WSCD2: variants seen among roughly 807,000 people sequenced by gnomAD.
WSCD2 encodes WSC domain sialate O sulfotransferase 2, also known as sialate:O-sulfotransferase 2.
In WSCD2, 28 loss-of-function variants were observed where a neutral mutation model predicts 55.7. That is an observed-to-expected ratio of 0.50 (90% confidence interval 0.37 to 0.69). The LOEUF (loss-of-function observed/expected upper bound fraction) is 0.69, where lower values mean the gene tolerates loss of function less well. Ranked by LOEUF, WSCD2 falls within the 30% of genes least tolerant of loss-of-function variation. The pLI is 0.00. For missense variants in WSCD2, 616 were observed against 762.1 expected, an observed-to-expected ratio of 0.81 and a Z score of 2.26; for synonymous variants, 301 against 301.9, an observed-to-expected ratio of 1.00 and a Z score of 0.03.
intron 1 of WSCD2, among the ~76,000 whole-genome samples, chr12:108,156,431 T>C (rs757421739): frequency 6.6e-6 from 1 of 152,190 alleles, no homozygotes; most frequent in Non-Finnish European, 1.5e-5. Context: ...GGCTGGTGCA[T>C]AGTAGGGTCT....
At chr12:108,147,376 G>A (rs1877499835) in intron 1 of WSCD2, among the ~76,000 whole-genome samples, 1 of 152,194 alleles carries the variant, frequency 6.6e-6, no homozygotes, top group African/African-American at 2.4e-5. Flanking sequence ...TTGGGTCAGG[G>A]TGGGTGCTAA....
chr12:108,165,747 C>T (rs910252555), intron 1 of WSCD2, among the ~76,000 whole-genome samples: 10 of 152,148 alleles, frequency 6.6e-5, no homozygotes, highest in African/African-American at 2.4e-4. Flanking sequence ...AATTGATTTA[C>T]TTTTTTACTG....
At chr12:108,214,533 C>T (rs972286741) in intron 4 of WSCD2, among the ~76,000 whole-genome samples, 11 of 152,230 alleles carry the variant, frequency 7.2e-5, no homozygotes, top group African/African-American at 1.2e-4. Flanking sequence ...GCAAGTGTAG[C>T]TCTCCTCCCA....
At chr12:108,208,701 G>C (rs934784892) in intron 3 of WSCD2, among the ~76,000 whole-genome samples, 5 of 152,178 alleles carry the variant, frequency 3.3e-5, no homozygotes, top group African/African-American at 1.2e-4. Flanking sequence ...AGTGAAATGG[G>C]GACTTGAAAG....
intron 8 of WSCD2, among the ~76,000 whole-genome samples, chr12:108,246,957 C>T (rs905432875): frequency 3.3e-5 from 5 of 152,146 alleles, no homozygotes; most frequent in South Asian, 2.1e-4. Flanking sequence ...TCAGTAATAA[C>T]GATAGCCAAC....
At chr12:108,130,909 GT>G (rs1212832570) in intron 1 of WSCD2, among the ~76,000 whole-genome samples, 1 of 152,090 alleles carries the variant, frequency 6.6e-6, no homozygotes, top group Non-Finnish European at 1.5e-5. Context: ...TTTTCTATTA[GT>G]AAAAAGCATG....
At chr12:108,177,154 T>A (rs991483516) in intron 1 of WSCD2, among the ~76,000 whole-genome samples, 1 of 152,176 alleles carries the variant, frequency 6.6e-6, no homozygotes, top group Admixed American at 6.5e-5. Flanking sequence ...TAAATGGGGC[T>A]TGTATTAGTG....
chr12:108,225,088 G>A (rs146115666), intron 5 of WSCD2, among the ~76,000 whole-genome samples: 3 of 152,284 alleles, frequency 2.0e-5, no homozygotes, highest in East Asian at 1.9e-4. Flanking sequence ...TAATACTGAC[G>A]AATACTTAGG....
At chr12:108,200,293 A>T (rs1357492387) in intron 2 of WSCD2, among the ~76,000 whole-genome samples, 1 of 152,216 alleles carries the variant, frequency 6.6e-6, no homozygotes. Flanking sequence ...AAAAATATTG[A>T]GTGCCATTTC....
At chr12:108,204,944 A>G (rs1226798411) in intron 2 of WSCD2, among the ~76,000 whole-genome samples, 4 of 152,202 alleles carry the variant, frequency 2.6e-5, no homozygotes, top group Non-Finnish European at 5.9e-5. Flanking sequence ...ATTTTCTTCA[A>G]TCATTCCCTA....
In WSCD2 at chr12:108,248,673, A is replaced by G; in HGVS notation, c.*330A>G. 1 of 1,070,304 alleles carries G rather than the reference A, an allele frequency of 9.3e-7. No homozygotes were observed. The highest frequency in any genetic ancestry group is 1.1e-6 in the Non-Finnish European group (1 of 881,554). The allele number at this position is 1,070,304 out of a possible 1,614,324, so 66.3% of individuals were successfully genotyped here. Reference sequence around the variant, plus strand: ...TTTGTGGGAGGGAGGGCTCATCCACATCATGGAGACTTGCTGGATGCCCCA... The same window carrying G: ...TTTGTGGGAGGGAGGGCTCATCCACGTCATGGAGACTTGCTGGATGCCCCA... On this transcript the variant is annotated 3_prime_UTR_variant, in exon 9 of 9. Coordinates refer to ENST00000547525, the MANE Select transcript of WSCD2 (RefSeq NM_014653.4). This position sits in a 1 kb window ranked among gnomAD's most constrained non-coding sequence, Gnocchi z 4.3.
chr12:108,149,256 T>C (rs1413683476), intron 1 of WSCD2, among the ~76,000 whole-genome samples: 5 of 152,198 alleles, frequency 3.3e-5, no homozygotes, highest in Admixed American at 2.6e-4. Flanking sequence ...AGCTAAACAT[T>C]GGGAAACCTC....
chr12:108,210,294 C>CAGCT lies in WSCD2; in HGVS notation c.671_672insAGCT (p.Arg226GlyfsTer43). On this transcript the variant is annotated frameshift_variant, in exon 4 of 9. Coordinates refer to ENST00000547525, the MANE Select transcript of WSCD2 (RefSeq NM_014653.4). LOFTEE classifies it high-confidence loss of function. The surrounding 1 kb of genome is among the most constrained non-coding windows in gnomAD (Gnocchi z 4.3). ...TACCGGCTGCAGCTGGCCCAGGAGT[C>CAGCT]GGCCCGCAGGTGTACGTGAGTCTGC... is the stretch of plus-strand genomic sequence containing the variant. 6.3e-7 allele frequency: 1 copy of CAGCT among 1,586,622 alleles called. No homozygotes were observed. Among genetic ancestry groups the CAGCT allele is most frequent in the South Asian group, 1.1e-5 (1 of 88,386 alleles).
intron 1 of WSCD2, among the ~76,000 whole-genome samples, chr12:108,144,442 G>C (rs1038299564): frequency 3.9e-5 from 6 of 152,168 alleles, no homozygotes; most frequent in Non-Finnish European, 7.4e-5. Context: ...CTGATTTCCT[G>C]CTTCACACTA....
chr12:108,129,402 A>C lies in WSCD2; in HGVS notation c.-1076A>C, dbSNP rs1875240219. ...AGGCAGCGGCGAGGCAGCGAGAGAG[A>C]GCCAGGCGGCCGGAGCTCCGCGCCG... On this transcript the variant is annotated 5_prime_UTR_variant, in exon 1 of 9. Coordinates refer to ENST00000547525, the MANE Select transcript of WSCD2 (RefSeq NM_014653.4). 6.6e-6 allele frequency: 1 copy of C among 150,722 alleles called. No individual in the cohort carries two copies. The highest frequency in any genetic ancestry group is 6.6e-5 in the Admixed American group (1 of 15,188). 9.3% of individuals were successfully genotyped at this position (150,722 alleles called of 1,614,324 possible). A position where few individuals can be genotyped will look rare whatever the true frequency, so the allele number is the denominator to read the frequency against.
At chr12:108,157,617 A>T (rs927389927) in intron 1 of WSCD2, among the ~76,000 whole-genome samples, 1 of 152,200 alleles carries the variant, frequency 6.6e-6, no homozygotes, top group Admixed American at 6.5e-5. Flanking sequence ...GAAAACCCAG[A>T]TGTCCAAAGT....
chr12:108,216,778 C>G (rs1163564439), intron 4 of WSCD2, among the ~76,000 whole-genome samples: 2 of 152,098 alleles, frequency 1.3e-5, no homozygotes, highest in African/African-American at 4.8e-5. Context: ...CAGAAAGCTG[C>G]TGTATTTTTT....
In WSCD2 at chr12:108,185,243, C is replaced by T. The variant is rs952738823; in HGVS notation, c.-551-10039C>T. Among the ~76,000 whole-genome samples, 4 of 152,136 alleles carry T rather than the reference C, an allele frequency of 2.6e-5. No homozygotes were observed. The East Asian group carries it at 5.8e-4, about 22-fold the overall frequency. On this transcript the variant is annotated intron_variant, in intron 1 of 8. Coordinates refer to ENST00000547525, the MANE Select transcript of WSCD2 (RefSeq NM_014653.4). ...TCAGCCTCTGAGAAGTGGTCACATC[C>T]CACTGGGACAGGAATGTCCTCAATG...
At chr12:108,185,792 C>A (rs973219707) in intron 1 of WSCD2, among the ~76,000 whole-genome samples, 7 of 152,122 alleles carry the variant, frequency 4.6e-5, no homozygotes, top group Admixed American at 3.3e-4. Context: ...CCAGCAGAAC[C>A]GTCCATTATC....
Sources: allele counts gnomAD v4.1 joint callset (sites outside exome capture counted in the v4.1 genomes callset), GRCh38; gene constraint gnomAD v4.1.1; non-coding constraint Gnocchi (gnomAD v3.1); transcripts MANE v1.5; gene names NCBI Gene and HGNC (gene_info 2026-07-23, HGNC 2026-07-21).